The following VPS35L variants were observed in gnomAD, a reference collection of about 807,000 sequenced individuals.
The protein encoded by VPS35L is VPS35 endosomal protein sorting factor like.
A neutral mutation model predicts 133.0 loss-of-function variants in VPS35L; 83 were observed. That is an observed-to-expected ratio of 0.62 (90% CI 0.52 to 0.75). The LOEUF (loss-of-function observed/expected upper bound fraction) is 0.75, where lower values mean the gene tolerates loss of function less well. Among genes scored for constraint, VPS35L ranks in the 30% least tolerant of loss-of-function variants. The pLI, the probability that VPS35L is intolerant of heterozygous loss-of-function variation, is 0.00. For synonymous variants in VPS35L, 423 were observed against 449.9 expected, an observed-to-expected ratio of 0.94 and a Z score of 0.76; for missense variants, 1,083 against 1,206.8, an observed-to-expected ratio of 0.90 and a Z score of 1.52.
rs140395799 is a variant in VPS35L, at chr16:19,649,598, CAA to C, written c.2029-782_2029-781del. ...ATTGCTGTTTACAATGTGCGACAAA[CAA>C]ATATTCCCTAAAAAACGGTGGCGCC... On this transcript the variant is annotated intron_variant, in intron 24 of 30. Transcript: ENST00000417362. 4.0e-3 allele frequency among the ~76,000 whole-genome samples: 610 copies of C among 152,290 alleles called. 5 individuals are homozygous for C. Among genetic ancestry groups the C allele is most frequent in the African/African-American group, 0.014 (594 of 41,568 alleles).
At chr16:19,691,947 T>A (rs1358136975) in intron 29 of VPS35L, among the ~76,000 whole-genome samples, 1 of 151,616 alleles carries the variant, frequency 6.6e-6, no homozygotes, top group Non-Finnish European at 1.5e-5. Context: ...TAATCTCGGC[T>A]CACTGCAACC....
chr16:19,621,000 CAAA>C (rs1324528866), intron 14 of VPS35L, among the ~76,000 whole-genome samples: 1 of 151,668 alleles, frequency 6.6e-6, no homozygotes, highest in Admixed American at 6.6e-5. Flanking sequence ...AAACAGAAAA[CAAA>C]AACAGACATC....
intron 26 of VPS35L, among the ~76,000 whole-genome samples, chr16:19,665,867 G>A (rs1974647035): frequency 6.6e-6 from 1 of 152,100 alleles, no homozygotes; most frequent in African/African-American, 2.4e-5. Context: ...TTGGATAAAA[G>A]CCATTTTAAC....
At chr16:19,637,791 A>C (rs1973667893) in intron 20 of VPS35L, 135 bp downstream of exon 20, 1 of 548,636 alleles carries the variant, frequency 1.8e-6, no homozygotes, top group East Asian at 3.1e-5. Context: ...GTTAAGTCTG[A>C]TCAACTTAAG....
At chr16:19,556,487 C>T (rs573617324) in intron 1 of VPS35L, among the ~76,000 whole-genome samples, 21 of 152,282 alleles carry the variant, frequency 1.4e-4, no homozygotes, top group African/African-American at 4.6e-4. Flanking sequence ...GTGACTGAAG[C>T]TTCAGGGTTC....
Position 19,669,210 on chromosome 16 carries a change from A to G in VPS35L, c.2272A>G (p.Met758Val). 1 of 1,612,858 alleles carries G rather than the reference A, an allele frequency of 6.2e-7. No individual in the cohort carries two copies. The highest frequency in any genetic ancestry group is 8.5e-7 in the Non-Finnish European group (1 of 1,179,052). ...AISLVPEVPK[M>V]INIDGKMRPS... ...AAGCCTTGTTCCGGAAGTTCCAAAG[A>G]TGATTAATATTGATGGGAAGATGCG... is the stretch of plus-strand genomic sequence containing the variant. Residue 758 changes from methionine (M) to valine (V), a missense_variant, in exon 27 of 31, where the codon ATG (methionine) becomes GTG (valine). Physicochemically the swap from Met to Val is conservative, Grantham distance 21 (BLOSUM62 1). Coordinates refer to ENST00000417362, the MANE Select transcript of VPS35L (RefSeq NM_020314.7).
intron 17 of VPS35L, among the ~76,000 whole-genome samples, chr16:19,629,421 C>T (rs1356406240): frequency 6.6e-6 from 1 of 152,036 alleles, no homozygotes; most frequent in Non-Finnish European, 1.5e-5. Flanking sequence ...ATTCAATTCT[C>T]ACAGCCTTAA....
chr16:19,699,249 T>A lies in VPS35L; in HGVS notation c.2647-253T>A. ...TGAGTTTCTTCCATTTCATGAGTAA[T>A]GACCATCTGTGGGCACAGAGCTTCG... On this transcript the variant is annotated intron_variant, in intron 29 of 30. Coordinates refer to ENST00000417362, the MANE Select transcript of VPS35L (RefSeq NM_020314.7). The surrounding 1 kb of genome is among the most constrained non-coding windows in gnomAD (Gnocchi z 4.2). The A allele has an allele frequency of 2.4e-6, 1 of 419,490 alleles. No individual in the cohort carries two copies. The allele number at this position is 419,490 out of a possible 1,614,324, so 26.0% of individuals were successfully genotyped here. A position where few individuals can be genotyped will look rare whatever the true frequency, so the allele number is the denominator to read the frequency against.
chr16:19,573,496 A>G (rs767503701), intron 4 of VPS35L: 1 of 315,360 alleles, frequency 3.2e-6, no homozygotes, highest in Non-Finnish European at 5.9e-6. Flanking sequence ...AGAACAGCAG[A>G]GTCTTGTCTT....
intron 8 of VPS35L, among the ~76,000 whole-genome samples, chr16:19,595,241 T>C (rs1972174034): frequency 6.6e-6 from 1 of 152,034 alleles, no homozygotes; most frequent in Non-Finnish European, 1.5e-5. Flanking sequence ...GTGTTGAGAC[T>C]AGACTGTAGG....
chr16:19,646,497 C>T (rs1973953477), intron 23 of VPS35L, among the ~76,000 whole-genome samples: 1 of 152,024 alleles, frequency 6.6e-6, no homozygotes, highest in African/African-American at 2.4e-5. Flanking sequence ...GAAACCCTGT[C>T]TCTGCTAAAA....
chr16:19,568,777 C>CT (rs1466792210), intron 2 of VPS35L, among the ~76,000 whole-genome samples: 2 of 152,150 alleles, frequency 1.3e-5, no homozygotes, highest in Non-Finnish European at 2.9e-5. Flanking sequence ...TTCTGAGTAG[C>CT]TGGGACCACA....
At chr16:19,594,782 G>A (rs1972156383) in intron 8 of VPS35L, among the ~76,000 whole-genome samples, 3 of 151,362 alleles carry the variant, frequency 2.0e-5, no homozygotes, top group Non-Finnish European at 4.4e-5. Context: ...ATGCTATGGA[G>A]AAAACCAGAG....
chr16:19,690,911 A>C (rs991048119), intron 28 of VPS35L, among the ~76,000 whole-genome samples: 4 of 152,176 alleles, frequency 2.6e-5, no homozygotes, highest in Non-Finnish European at 5.9e-5. Flanking sequence ...GCAGTCAGCC[A>C]AGATCGTGCC....
chr16:19,592,747 G>A (rs564013230), intron 8 of VPS35L, among the ~76,000 whole-genome samples: 2 of 149,580 alleles, frequency 1.3e-5, no homozygotes, highest in Non-Finnish European at 3.0e-5. Context: ...GTACAGTGGC[G>A]TGATGTTGGC....
At chr16:19,643,495 G>A (rs1438055093) in intron 22 of VPS35L, among the ~76,000 whole-genome samples, 1 of 152,162 alleles carries the variant, frequency 6.6e-6, no homozygotes, top group African/African-American at 2.4e-5. Context: ...GGAAGCTGAT[G>A]TACCTCAACC....
chr16:19,672,752 C>T (rs555769122), intron 27 of VPS35L, among the ~76,000 whole-genome samples: 1 of 152,220 alleles, frequency 6.6e-6, no homozygotes, highest in East Asian at 1.9e-4. Context: ...CATATTAGTA[C>T]TCTGTAAGTT....
intron 9 of VPS35L, 61 bp from the exon 10 acceptor site, chr16:19,608,117 A>G (rs901634214): frequency 8.0e-7 from 1 of 1,254,904 alleles, no homozygotes; most frequent in African/African-American, 1.5e-5. Context: ...ATTCCCATCC[A>G]GGGACTCACA....
chr16:19,650,505 C>G, intron 25 of VPS35L, 46 bp downstream of exon 25: 2 of 1,453,768 alleles, frequency 1.4e-6, no homozygotes, highest in Non-Finnish European at 1.9e-6. Flanking sequence ...CTCCAGTGGG[C>G]TGTTTAGTTT....
Sources: gnomAD v4.1 joint callset for allele counts (sites outside exome capture counted in the v4.1 genomes callset) on GRCh38, gnomAD v4.1.1 for gene constraint, Gnocchi (gnomAD v3.1) non-coding constraint, MANE v1.5 for transcripts, NCBI Gene and HGNC (gene_info 2026-07-23, HGNC 2026-07-21) for gene names.